The following SEC23B variants were observed in gnomAD, a reference collection of about 807,000 sequenced individuals.
SEC23B encodes protein transport protein Sec23B.
A neutral mutation model predicts 104.3 loss-of-function variants in SEC23B; 77 were observed. That is an observed-to-expected ratio of 0.74 (90% confidence interval 0.61 to 0.89). The LOEUF is 0.89. Ranked by LOEUF, SEC23B falls within the 40% of genes least tolerant of loss-of-function variation. The probability of loss-of-function intolerance (pLI) is 0.00; values close to 1 mark genes in which losing one functional copy is unlikely to be tolerated. For missense variants in SEC23B, 885 were observed against 949.4 expected (o/e 0.93, Z 0.89); for synonymous variants, 338 against 332.5 (o/e 1.02, Z -0.18).
chr20:18,519,082 A>G (rs1025161895), intron 4 of SEC23B, among the ~76,000 whole-genome samples: 2 of 152,160 alleles, frequency 1.3e-5, no homozygotes, highest in African/African-American at 2.4e-5. Flanking sequence ...GGAAGATACT[A>G]TGGCATAGCC....
At chr20:18,558,764 G>A (rs1309681824) in intron 19 of SEC23B, among the ~76,000 whole-genome samples, 1 of 152,060 alleles carries the variant, frequency 6.6e-6, no homozygotes, top group Admixed American at 6.6e-5. Flanking sequence ...TCTTTCCTGG[G>A]ACCTTGTTGT....
Position 18,532,686 on chromosome 20 carries a change from C to A in SEC23B, c.1256C>A (p.Ala419Glu). Residue 419 changes from alanine to glutamate, a missense_variant, in exon 11 of 20, where the codon GCA (alanine) becomes GAA (glutamate). Ala to Glu is a moderately radical substitution (Grantham distance 107). Transcript: ENST00000650089. ...TAGACCTCTCGGGAACTGAAGATTGCAGGAGCCATTGGTCCATGCGTATCT... is the reference window on the plus strand; with the variant it reads ...TAGACCTCTCGGGAACTGAAGATTGAAGGAGCCATTGGTCCATGCGTATCT... ...DVKTSRELKI[A>E]GAIGPCVSLN... The A allele has an allele frequency of 6.2e-7, 1 of 1,613,644 alleles. No individual in the cohort carries two copies. The highest frequency in any genetic ancestry group is 8.5e-7 in the Non-Finnish European group (1 of 1,179,572).
At chr20:18,552,065 C>CA (rs2060391558) in intron 17 of SEC23B, among the ~76,000 whole-genome samples, 3 of 152,002 alleles carry the variant, frequency 2.0e-5, no homozygotes, top group African/African-American at 4.8e-5. Context: ...ATCTTTATGG[C>CA]AAAAAATCCT....
chr20:18,545,420 A>ATCC (rs1350132621), intron 14 of SEC23B, among the ~76,000 whole-genome samples: 1 of 152,220 alleles, frequency 6.6e-6, no homozygotes, highest in Non-Finnish European at 1.5e-5. Context: ...GCGGAAGGAC[A>ATCC]CCAGATTTTG....
At chr20:18,537,582 G>A (rs1487143015) in intron 12 of SEC23B, among the ~76,000 whole-genome samples, 1 of 151,878 alleles carries the variant, frequency 6.6e-6, no homozygotes. Context: ...TCTGGGGACT[G>A]TTGTGGGGTG....
rs189029596 is a variant in SEC23B, at chr20:18,530,213, T to A, written c.1110-467T>A. On this transcript the variant is annotated intron_variant, in intron 9 of 19. Coordinates refer to ENST00000650089, the MANE Select transcript of SEC23B (RefSeq NM_006363.6). ...AAGTATGAATTTAACATGCTGTTTTTATTTTTTTAATTTATTTTATTATTT... is the reference window on the plus strand; with the variant it reads ...AAGTATGAATTTAACATGCTGTTTTAATTTTTTTAATTTATTTTATTATTT... Among the ~76,000 whole-genome samples the A allele has an allele frequency of 1.6e-3, 250 of 152,108 alleles. 2 individuals are homozygous for A. Among genetic ancestry groups the A allele is most frequent in the African/African-American group, 5.6e-3 (232 of 41,578 alleles).
intron 3 of SEC23B, 52 bp from the exon 4 acceptor site, chr20:18,515,598 A>G (rs1007791128): frequency 1.8e-4 from 193 of 1,046,926 alleles, no homozygotes; most frequent in Admixed American, 2.5e-4. Context: ...TGGAAAATAA[A>G]AAGTGTAATA....
Position 18,512,310 on chromosome 20 carries a change from A to G in SEC23B, c.279+28A>G, listed in dbSNP as rs112208295. 2.3e-5 allele frequency: 32 copies of G among 1,389,286 alleles called. 1 individual carries two copies. The highest frequency in any genetic ancestry group is 1.0e-4 in the African/African-American group (7 of 69,562). 86.1% of individuals were successfully genotyped at this position (1,389,286 alleles called of 1,614,324 possible). A position where few individuals can be genotyped will look rare whatever the true frequency, so the allele number is the denominator to read the frequency against. On this transcript the variant is annotated intron_variant, in intron 3 of 19. Transcript: ENST00000650089. ...ATGTGAATTATTTTTAAAAAATGTT[A>G]TATGTTTTATTTTAGTTGTATTATG...
At chr20:18,526,190 C>T (rs1376089141) in intron 7 of SEC23B, among the ~76,000 whole-genome samples, 183 bp from the exon 8 acceptor site, 1 of 152,162 alleles carries the variant, frequency 6.6e-6, no homozygotes, top group Non-Finnish European at 1.5e-5. Flanking sequence ...ACTGTGCAAA[C>T]CCATAAGGTT....
rs150787662 is a variant in SEC23B, at chr20:18,526,435, G to A, written c.897G>A (p.Gly299=). The change falls in exon 8 of 20, where the codon GGG becomes GGA. Residue 299 remains glycine, a synonymous_variant. Transcript: ENST00000650089. The part of the protein sequence containing the change: ...MLFTGGPPTQ[G]PGMVVGDELK... Reference sequence around the variant, plus strand: ...TTACTGGAGGTCCCCCTACCCAAGGGCCTGGCATGGTGGTTGGAGATGAAT... The same window carrying A: ...TTACTGGAGGTCCCCCTACCCAAGGACCTGGCATGGTGGTTGGAGATGAAT... 1.5e-5 allele frequency: 24 copies of A among 1,614,094 alleles called. No individual in the cohort carries two copies. The African/African-American group carries it at 2.0e-4, about 13-fold the overall frequency.
intron 15 of SEC23B, among the ~76,000 whole-genome samples, chr20:18,547,264 TTTCCTC>T (rs2060341175): frequency 6.6e-6 from 1 of 152,160 alleles, no homozygotes; most frequent in Non-Finnish European, 1.5e-5. Context: ...TGTGCCTCAG[TTTCCTC>T]ACCTGTAAAC....
chr20:18,526,186 C>T (rs944735590), intron 7 of SEC23B, among the ~76,000 whole-genome samples, 187 bp from the exon 8 acceptor site: 1 of 152,188 alleles, frequency 6.6e-6, no homozygotes. Context: ...TAAAACTGTG[C>T]AAACCCATAA....
chr20:18,507,589 C>G (rs189903560), upstream of SEC23B: 1 of 152,294 alleles, frequency 6.6e-6, no homozygotes, highest in Non-Finnish European at 1.5e-5. Context: ...AGGCGATCAG[C>G]GGGACTTCCC....
intron 4 of SEC23B, among the ~76,000 whole-genome samples, chr20:18,522,238 A>G (rs1262157547): frequency 6.6e-6 from 1 of 152,182 alleles, no homozygotes; most frequent in Non-Finnish European, 1.5e-5. Context: ...CACCAAGGGA[A>G]TGTGGGTGAA....
At chr20:18,533,649 A>G (rs546941909) in intron 11 of SEC23B, among the ~76,000 whole-genome samples, 11 of 152,326 alleles carry the variant, frequency 7.2e-5, no homozygotes, top group Admixed American at 4.6e-4. Flanking sequence ...GTTGTCAGCA[A>G]CAAACGTTCT....
chr20:18,540,482 G>A (rs910097564), intron 12 of SEC23B, among the ~76,000 whole-genome samples: 2 of 152,164 alleles, frequency 1.3e-5, no homozygotes, highest in Admixed American at 6.6e-5. Flanking sequence ...CTTTTGTAGA[G>A]CACAGGAAGC....
intron 4 of SEC23B, among the ~76,000 whole-genome samples, chr20:18,517,308 G>T (rs1009551592): frequency 1.3e-5 from 2 of 152,172 alleles, no homozygotes; most frequent in Non-Finnish European, 2.9e-5. Context: ...GTGGGCAGGA[G>T]GTGGATCTCA....
intron 4 of SEC23B, among the ~76,000 whole-genome samples, chr20:18,521,102 C>T (rs950138980): frequency 2.0e-5 from 3 of 152,098 alleles, no homozygotes; most frequent in Admixed American, 6.5e-5. Context: ...CTGGCAGCTG[C>T]GGTTTAGGCG....
At chr20:18,534,044 A>G (rs1372824600) in intron 11 of SEC23B, among the ~76,000 whole-genome samples, 2 of 152,220 alleles carry the variant, frequency 1.3e-5, no homozygotes, top group African/African-American at 2.4e-5. Flanking sequence ...ATGAATTTCT[A>G]TACCTACCAT....
Sources: allele counts gnomAD v4.1 joint callset (sites outside exome capture counted in the v4.1 genomes callset), GRCh38; gene constraint gnomAD v4.1.1; transcripts MANE v1.5; gene names NCBI Gene and HGNC (gene_info 2026-07-23, HGNC 2026-07-21).